The following FGF13 variants were observed in gnomAD, a reference collection of about 807,000 sequenced individuals.
FGF13 encodes fibroblast growth factor homologous factor 2.
In FGF13, 2 loss-of-function variants were observed where a neutral mutation model predicts 19.5. The ratio of observed to expected loss-of-function variants is 0.10; its 90% CI spans 0.04 to 0.32. FGF13 has a LOEUF of 0.32. FGF13 is among the 10% of genes least tolerant of loss of function. The probability of loss-of-function intolerance (pLI) is 1.00; values close to 1 mark genes in which losing one functional copy is unlikely to be tolerated. For missense variants in FGF13, 113 were observed against 192.7 expected (o/e 0.59, Z 2.45); for synonymous variants, 72 against 76.9 (o/e 0.94, Z 0.33).
At chrX:138,897,743 T>C (rs2091511571) in intron 1 of FGF13, among the ~76,000 whole-genome samples, 1 of 111,607 alleles carries the variant, frequency 9.0e-6, no homozygotes, top group Non-Finnish European at 1.9e-5. Flanking sequence ...TACTATGAGG[T>C]TGATGAGTCT....
intron 1 of FGF13, among the ~76,000 whole-genome samples, chrX:138,929,878 G>C (rs190073270): frequency 8.3e-5 from 9 of 108,303 alleles, no homozygotes; most frequent in Non-Finnish European, 1.3e-4. Context: ...GTGTGTGTGT[G>C]TGTGTGTGTG....
chrX:138,922,710 A>G (rs1446265240), intron 1 of FGF13, among the ~76,000 whole-genome samples: 2 of 111,866 alleles, frequency 1.8e-5, no homozygotes, highest in Non-Finnish European at 3.8e-5. Flanking sequence ...TCTGTCACCA[A>G]GCCCTGATGG....
In FGF13 at chrX:138,936,154, C is replaced by T. The variant is rs543434531; in HGVS notation, c.-112-71504G>A. ...CAATCATCTCTTGGGGCGAAGGCCC[C>T]ACAGTCTACACTGGTTGTGCTCCCA... On this transcript the variant is annotated intron_variant, in intron 1 of 2. Transcript: ENST00000421460. Among the ~76,000 whole-genome samples, 65 of 112,526 alleles carry T rather than the reference C, an allele frequency of 5.8e-4. 1 individual carries two copies. In the South Asian group the frequency reaches 6.3e-3, roughly 11 times the overall value.
At chrX:138,736,706 T>G (rs892285096) in intron 1 of FGF13, among the ~76,000 whole-genome samples, 3 of 110,921 alleles carry the variant, frequency 2.7e-5, no homozygotes, top group African/African-American at 9.8e-5. Flanking sequence ...AAATATACTG[T>G]TTTATATATA....
intron 1 of FGF13, among the ~76,000 whole-genome samples, chrX:138,960,969 C>T (rs778372335): frequency 7.5e-4 from 84 of 111,390 alleles, no homozygotes; most frequent in African/African-American, 2.7e-3. Context: ...TCCTTTAGCT[C>T]GGAGAAGTTT....
At chrX:138,993,095 T>C (rs762119415) in intron 1 of FGF13, among the ~76,000 whole-genome samples, 1 of 111,253 alleles carries the variant, frequency 9.0e-6, no homozygotes, top group Non-Finnish European at 1.9e-5. Context: ...TACTGAAAAA[T>C]ATCTTACCAG....
At chrX:138,926,873 T>C (rs2091676690) in intron 1 of FGF13, among the ~76,000 whole-genome samples, 1 of 111,502 alleles carries the variant, frequency 9.0e-6, no homozygotes, top group Non-Finnish European at 1.9e-5. Flanking sequence ...AAAGAATTGC[T>C]TGAATCCGGG....
chrX:138,694,451 C>CTT (rs755524415), intron 3 of FGF13, among the ~76,000 whole-genome samples: 17 of 88,255 alleles, frequency 1.9e-4, no homozygotes, highest in South Asian at 5.2e-4. Context: ...CTTTTCTTTT[C>CTT]TTTTTTTTTT....
chrX:138,719,663 C>T (rs890830239), intron 1 of FGF13, among the ~76,000 whole-genome samples: 1 of 112,179 alleles, frequency 8.9e-6, no homozygotes, highest in Non-Finnish European at 1.9e-5. Context: ...AGCTTGAGTT[C>T]AGCCAAAAGA....
rs1372278140 is a variant in FGF13 at position 138,615,300 on chromosome X, T to C, written c.*17550A>G. The C allele has an allele frequency of 8.9e-6, 1 of 112,316 alleles. No homozygotes were observed. Among genetic ancestry groups the C allele is most frequent in the Non-Finnish European group, 1.9e-5 (1 of 53,235 alleles). 9.3% of individuals were successfully genotyped at this position (112,316 alleles called of 1,213,427 possible). On this transcript the variant is annotated 3_prime_UTR_variant, in exon 5 of 5. Transcript: ENST00000315930. ...ATGATACTGCAGTTATGTAAGTTGA[T>C]ACCACTAGAGGAACTAGATAAAGGG...
rs979789864 is a variant in FGF13, at chrX:138,628,101, T to A, written c.*4749A>T. ...TTCCAAAATTCCTCTAAGCTGGGAT[T>A]TTTTTTCATTCTCTCTCTCTCTGTT... is the stretch of plus-strand genomic sequence containing the variant. On this transcript the variant is annotated 3_prime_UTR_variant, in exon 5 of 5. Coordinates refer to ENST00000315930, the MANE Select transcript of FGF13 (RefSeq NM_004114.5). 9.0e-6 allele frequency: 1 copy of A among 111,510 alleles called. No homozygotes were observed. Among genetic ancestry groups the A allele is most frequent in the African/African-American group, 3.3e-5 (1 of 30,706 alleles). 9.2% of individuals were successfully genotyped at this position (111,510 alleles called of 1,213,427 possible). A position where few individuals can be genotyped will look rare whatever the true frequency, so the allele number is the denominator to read the frequency against.
chrX:139,051,966 T>C (rs1435557261), intron 1 of FGF13, among the ~76,000 whole-genome samples: 2 of 112,673 alleles, frequency 1.8e-5, no homozygotes, highest in African/African-American at 6.4e-5. Context: ...GTTCTAACAA[T>C]TACCAGTTTA....
At chrX:138,696,050 AAGAAGGAAGCAGCT>A (rs921221479) in intron 3 of FGF13, among the ~76,000 whole-genome samples, 11 of 112,137 alleles carry the variant, frequency 9.8e-5, no homozygotes, top group African/African-American at 3.6e-4. Flanking sequence ...GACGTGAACA[AAGAAGGAAGCAGCT>A]ATGCAGGTAT....
intron 3 of FGF13, among the ~76,000 whole-genome samples, chrX:138,761,634 G>C (rs1448875307): frequency 8.9e-6 from 1 of 111,769 alleles, no homozygotes; most frequent in Non-Finnish European, 1.9e-5. Context: ...GTCCAGCACA[G>C]TGCCGGTTTA....
chrX:138,772,018 G>GTGTATATATATA (rs1271115343), intron 3 of FGF13, among the ~76,000 whole-genome samples: 7 of 56,546 alleles, frequency 1.2e-4, no homozygotes, highest in African/African-American at 2.8e-4. Context: ...ATACATATGT[G>GTGTATATATATA]TATATATATA....
At chrX:139,066,832 A>G (rs1206974686) in intron 1 of FGF13, among the ~76,000 whole-genome samples, 2 of 111,128 alleles carry the variant, frequency 1.8e-5, no homozygotes, top group African/African-American at 6.6e-5. Flanking sequence ...AAAAAAAAAA[A>G]GCAAATTTCA....
chrX:138,656,471 C>T (rs12006805), intron 3 of FGF13, among the ~76,000 whole-genome samples: 42,381 of 109,940 alleles, frequency 0.39, 6,947 homozygotes, highest in East Asian at 0.62. Context: ...AGGCTTTCTC[C>T]AGGCTGCAGT....
At chrX:139,037,740 C>A (rs886126353) in intron 1 of FGF13, among the ~76,000 whole-genome samples, 9 of 112,313 alleles carry the variant, frequency 8.0e-5, no homozygotes, top group African/African-American at 2.6e-4. Flanking sequence ...CCAGAATAAT[C>A]TCCCCATCTC....
intron 1 of FGF13, among the ~76,000 whole-genome samples, chrX:139,165,869 G>C (rs1268830147): frequency 8.9e-6 from 1 of 111,766 alleles, no homozygotes; most frequent in African/African-American, 3.3e-5. Context: ...GGGCCCCTTT[G>C]TTTTGGCCAT....
Sources: gnomAD v4.1 joint callset for allele counts (sites outside exome capture counted in the v4.1 genomes callset) on GRCh38, gnomAD v4.1.1 for gene constraint, MANE v1.5 for transcripts, NCBI Gene and HGNC (gene_info 2026-07-23, HGNC 2026-07-21) for gene names.